Variants in PCDH15 observed in about 807,000 individuals in gnomAD.
The protein encoded by PCDH15 is protocadherin related 15, also known as protocadherin-15.
Under a neutral mutation model 178.5 loss-of-function variants are expected in PCDH15, and 129 were observed. The observed-to-expected ratio is 0.72, with a 90% CI of 0.63 to 0.84. PCDH15 has a LOEUF of 0.84. Ranked by LOEUF, PCDH15 falls within the 40% of genes least tolerant of loss-of-function variation. The probability of loss-of-function intolerance (pLI) is 0.00; values close to 1 mark genes in which losing one functional copy is unlikely to be tolerated. For synonymous variants in PCDH15, 800 were observed against 732.0 expected (o/e 1.09, Z -1.50); for missense variants, 2,230 against 2,099.9 (o/e 1.06, Z -1.21).
chr10:54,241,891 T>A (rs1591374272), intron 8 of PCDH15, among the ~76,000 whole-genome samples: 1 of 151,602 alleles, frequency 6.6e-6, no homozygotes, highest in African/African-American at 2.4e-5. Flanking sequence ...AAATTATTAT[T>A]TTAATTTTAA....
At chr10:55,291,111 C>T (rs927742016) in intron 1 of PCDH15, among the ~76,000 whole-genome samples, 17 of 152,056 alleles carry the variant, frequency 1.1e-4, no homozygotes, top group Non-Finnish European at 1.8e-4. Context: ...CTCTCTTTCC[C>T]CCCGGCCCCT....
chr10:53,975,417 T>G (rs1218530502), intron 21 of PCDH15, among the ~76,000 whole-genome samples: 3 of 152,156 alleles, frequency 2.0e-5, no homozygotes, highest in Non-Finnish European at 4.4e-5. Flanking sequence ...ATAAGTGTTT[T>G]TTTTCCCCCC....
At chr10:54,188,868 G>A (rs2048710842) in intron 11 of PCDH15, among the ~76,000 whole-genome samples, 2 of 151,846 alleles carry the variant, frequency 1.3e-5, no homozygotes, top group Admixed American at 1.3e-4. Context: ...ACATATATAT[G>A]TATGCATATA....
intron 2 of PCDH15, among the ~76,000 whole-genome samples, chr10:55,080,138 C>T (rs915702490): frequency 6.6e-5 from 10 of 152,054 alleles, no homozygotes; most frequent in Non-Finnish European, 1.5e-4. Context: ...ATGGCCACAG[C>T]GGTGTGCACA....
intron 1 of PCDH15, among the ~76,000 whole-genome samples, chr10:55,221,118 T>G: frequency 6.6e-6 from 1 of 151,958 alleles, no homozygotes. Flanking sequence ...ATCTTAAAAA[T>G]GTGGAGTGAA....
At chr10:54,973,181 T>C (rs1317341846) in intron 2 of PCDH15, among the ~76,000 whole-genome samples, 1 of 152,166 alleles carries the variant, frequency 6.6e-6, no homozygotes, top group African/African-American at 2.4e-5. Context: ...GGTTTGTTAA[T>C]GTGGCTACAT....
chr10:55,268,745 A>G (rs1036756367), intron 1 of PCDH15, among the ~76,000 whole-genome samples: 1 of 152,194 alleles, frequency 6.6e-6, no homozygotes, highest in Non-Finnish European at 1.5e-5. Context: ...CACAGTTGGC[A>G]TAGTGTTTGC....
At chr10:55,227,771 T>A (rs1025979892) in intron 1 of PCDH15, among the ~76,000 whole-genome samples, 3 of 152,084 alleles carry the variant, frequency 2.0e-5, no homozygotes, top group African/African-American at 7.3e-5. Flanking sequence ...GGAACAATGA[T>A]CATTAACAAG....
chr10:54,022,977 T>C lies in PCDH15; in HGVS notation c.2441A>G (p.Asp814Gly), dbSNP rs200430672. Residue 814 changes from aspartate to glycine, a missense_variant, in exon 19 of 38, where the codon GAT becomes GGT. Transcript: ENST00000644397. ...TLAIKVLDID[D>G]NSPVFTNSTY... ...TGAATTGGTGAACACAGGACTGTTA[T>C]CATCAATGTCCAAAACCTTGATGGC... is the stretch of plus-strand genomic sequence containing the variant. 6.8e-6 allele frequency: 11 copies of C among 1,613,974 alleles called. No individual in the cohort carries two copies. The African/African-American group carries it at 9.3e-5, about 14-fold the overall frequency.
chr10:54,682,946 T>C (rs910931093), intron 1 of PCDH15, among the ~76,000 whole-genome samples: 1 of 152,124 alleles, frequency 6.6e-6, no homozygotes, highest in East Asian at 1.9e-4. Flanking sequence ...TTGCTTAATA[T>C]GGAAGTGTTG....
chr10:55,093,355 G>A lies in PCDH15; in HGVS notation c.-80+73221C>T, dbSNP rs533030704. On this transcript the variant is annotated intron_variant, in intron 2 of 5. Transcript: ENST00000458638. ...TAATGGTGGTTTTTTTCAAGATGCC[G>A]GAAAAAGTCTTTAAAAATTAGGTAG... is the stretch of plus-strand genomic sequence containing the variant. 1.4e-4 allele frequency among the ~76,000 whole-genome samples: 21 copies of A among 151,796 alleles called. No homozygotes were observed. In the East Asian group the frequency reaches 3.1e-3, roughly 22 times the overall value.
intron 8 of PCDH15, among the ~76,000 whole-genome samples, chr10:54,260,743 C>CTAG (rs1294254988): frequency 6.6e-6 from 1 of 152,060 alleles, no homozygotes; most frequent in African/African-American, 2.4e-5. Flanking sequence ...CAGGCATGCA[C>CTAG]TAGTAGTAGT....
chr10:55,149,256 A>G (rs1006001644), intron 2 of PCDH15, among the ~76,000 whole-genome samples: 6 of 33,584 alleles, frequency 1.8e-4, no homozygotes, highest in African/African-American at 5.0e-4. Context: ...ATAAATGTTA[A>G]TAAATATTCA....
At chr10:54,992,619 G>T (rs1448975194) in intron 2 of PCDH15, among the ~76,000 whole-genome samples, 3 of 152,034 alleles carry the variant, frequency 2.0e-5, no homozygotes, top group Non-Finnish European at 4.4e-5. Flanking sequence ...GCCGGGCGTG[G>T]TGGCAGGCGC....
intron 2 of PCDH15, among the ~76,000 whole-genome samples, chr10:54,941,161 T>C (rs937303216): frequency 6.6e-6 from 1 of 152,054 alleles, no homozygotes; most frequent in African/African-American, 2.4e-5. Context: ...TAACAATATG[T>C]TTACTTTTTA....
At chr10:54,142,932 T>C (rs982214590) in intron 14 of PCDH15, among the ~76,000 whole-genome samples, 1 of 152,190 alleles carries the variant, frequency 6.6e-6, no homozygotes, top group Non-Finnish European at 1.5e-5. Context: ...TTATTTTGGC[T>C]AAATAAATGA....
At chr10:55,468,312 T>C (rs934623752) in intron 2 of PCDH15, 2 of 152,124 alleles carry the variant, frequency 1.3e-5, no homozygotes, top group African/African-American at 4.8e-5. Context: ...AGAAGGAAAG[T>C]AGAAAATGGA....
intron 3 of PCDH15, among the ~76,000 whole-genome samples, chr10:54,451,589 G>A (rs1194137652): frequency 1.3e-5 from 2 of 151,714 alleles, no homozygotes; most frequent in Non-Finnish European, 2.9e-5. Flanking sequence ...TGATAGTAGA[G>A]GTATTTAAAA....
chr10:55,358,734 C>A (rs1211710813), intron 2 of PCDH15, among the ~76,000 whole-genome samples: 1 of 151,946 alleles, frequency 6.6e-6, no homozygotes, highest in East Asian at 1.9e-4. Flanking sequence ...ACAGTTACTG[C>A]CACCCACTGA....
Sources: allele counts gnomAD v4.1 joint callset (sites outside exome capture counted in the v4.1 genomes callset), GRCh38; gene constraint gnomAD v4.1.1; transcripts MANE v1.5; gene names NCBI Gene and HGNC (gene_info 2026-07-23, HGNC 2026-07-21).